NFATC2: variants seen among roughly 807,000 people sequenced by gnomAD.
NFATC2 encodes the protein nuclear factor of activated T cells 2.
A neutral mutation model predicts 87.3 loss-of-function variants in NFATC2; 22 were observed. That is an observed-to-expected ratio of 0.25 (90% CI 0.18 to 0.36). NFATC2 has a LOEUF of 0.36. NFATC2 is among the 10% of genes least tolerant of loss of function. The probability of loss-of-function intolerance (pLI) is 1.00; values close to 1 mark genes in which losing one functional copy is unlikely to be tolerated. For missense variants in NFATC2, 1,149 were observed against 1,259.1 expected (o/e 0.91, Z 1.32); for synonymous variants, 565 against 542.2 (o/e 1.04, Z -0.58).
rs1600673332 is a variant in NFATC2, at chr20:51,407,983, G to A, written c.2723-9253C>T. 3.9e-5 allele frequency among the ~76,000 whole-genome samples: 6 copies of A among 152,358 alleles called. No homozygotes were observed. In the South Asian group the frequency reaches 1.2e-3, roughly 32 times the overall value. ...GGAAACCTGAGCTGTTTAGAGACAG[G>A]AGGGCCAGCCTTCCAACCAAAGTCC... On this transcript the variant is annotated intron_variant, in intron 9 of 10. Coordinates refer to ENST00000371564, the MANE Select transcript of NFATC2 (RefSeq NM_012340.5).
Position 51,479,391 on chromosome 20 carries a change from G to A in NFATC2, c.1333-3731C>T, listed in dbSNP as rs571455547. 7.9e-5 allele frequency among the ~76,000 whole-genome samples: 12 copies of A among 152,238 alleles called. No homozygotes were observed. In the East Asian group the frequency reaches 2.3e-3, roughly 29 times the overall value. On this transcript the variant is annotated intron_variant, in intron 3 of 10. Transcript: ENST00000371564. Reference sequence around the variant, plus strand: ...CCAGCACATTGGGAGGCCAAGGTGGGTAGATCTCTCGAGCCCAGAAGCTCA... The same window carrying A: ...CCAGCACATTGGGAGGCCAAGGTGGATAGATCTCTCGAGCCCAGAAGCTCA...
intron 10 of NFATC2, among the ~76,000 whole-genome samples, chr20:51,395,744 AT>A (rs1042996348): frequency 3.3e-5 from 5 of 150,840 alleles, no homozygotes; most frequent in African/African-American, 1.2e-4. Flanking sequence ...TGACAAAGTC[AT>A]TTATATATAA....
intron 3 of NFATC2, among the ~76,000 whole-genome samples, chr20:51,495,009 A>G (rs2075964570): frequency 6.6e-6 from 1 of 152,230 alleles, no homozygotes; most frequent in Non-Finnish European, 1.5e-5. Context: ...ATTGTGCTAC[A>G]GCAATTGCCT....
Position 51,516,795 on chromosome 20 carries a change from G to C in NFATC2, c.1321C>G (p.Pro441Ala), listed in dbSNP as rs986870618. The C allele has an allele frequency of 6.2e-7, 1 of 1,609,268 alleles. No individual in the cohort carries two copies. Among genetic ancestry groups the C allele is most frequent in the Non-Finnish European group, 8.5e-7 (1 of 1,176,954 alleles). The change falls in exon 3 of 11, where the codon CCT becomes GCT. Residue 441 changes from proline (P) to alanine (A), a missense_variant. This residue lies in a region of NFATC2 where 581 missense variants were observed against 649.7 expected (regional missense o/e 0.89). Transcript: ENST00000371564. ...ATTCAAGTCCATACCTGAACCACAG[G>C]GTGGCCTCCAGTTGGAGCTTTGACA... ...GAVKAPTGGH[P>A]VVQLHGYMEN...
At chr20:51,512,069 C>T (rs967120875) in intron 3 of NFATC2, among the ~76,000 whole-genome samples, 15 of 152,120 alleles carry the variant, frequency 9.9e-5, no homozygotes, top group Non-Finnish European at 1.0e-4. Flanking sequence ...AGAACACTCT[C>T]CCCCGACTAA....
chr20:51,462,890 C>T (rs1987299027), intron 5 of NFATC2, among the ~76,000 whole-genome samples: 1 of 152,222 alleles, frequency 6.6e-6, no homozygotes, highest in Non-Finnish European at 1.5e-5. Flanking sequence ...TTTGGACCTA[C>T]ACTGGGGGAT....
At chr20:51,556,210 A>G (rs2076976776) in intron 1 of NFATC2, among the ~76,000 whole-genome samples, 1 of 152,210 alleles carries the variant, frequency 6.6e-6, no homozygotes, top group African/African-American at 2.4e-5. Context: ...CAGGGAGAGC[A>G]TGGCCCTGTG....
chr20:51,520,112 G>A (rs1225316877), intron 2 of NFATC2, among the ~76,000 whole-genome samples: 4 of 152,170 alleles, frequency 2.6e-5, no homozygotes, highest in Non-Finnish European at 5.9e-5. Flanking sequence ...GTTGGTACTT[G>A]TGAGGAACTA....
At chr20:51,510,282 G>A (rs946929964) in intron 3 of NFATC2, among the ~76,000 whole-genome samples, 2 of 152,244 alleles carry the variant, frequency 1.3e-5, no homozygotes, top group Non-Finnish European at 2.9e-5. Flanking sequence ...GCCAGGAAAG[G>A]ATTAAATGAC....
At chr20:51,425,319 G>A (rs1339637040) in intron 9 of NFATC2, among the ~76,000 whole-genome samples, 2 of 152,254 alleles carry the variant, frequency 1.3e-5, no homozygotes, top group African/African-American at 4.8e-5. Flanking sequence ...TTTTATTGGT[G>A]TCGGCTCCAG....
At chr20:51,428,843 A>G (rs1044860957) in intron 9 of NFATC2, among the ~76,000 whole-genome samples, 7 of 152,250 alleles carry the variant, frequency 4.6e-5, no homozygotes, top group African/African-American at 1.7e-4. Context: ...GCAAAATCCC[A>G]AGGGAAATAA....
At chr20:51,425,288 C>G (rs1981618440) in intron 9 of NFATC2, among the ~76,000 whole-genome samples, 1 of 152,200 alleles carries the variant, frequency 6.6e-6, no homozygotes, top group African/African-American at 2.4e-5. Context: ...TGGCAAAAGC[C>G]CTCCCAACGG....
chr20:51,414,074 C>T (rs952795863), intron 9 of NFATC2, among the ~76,000 whole-genome samples: 2 of 152,136 alleles, frequency 1.3e-5, no homozygotes, highest in Non-Finnish European at 2.9e-5. Context: ...GTTATTCATT[C>T]GATACCACAA....
rs535448691 is a variant in NFATC2, at chr20:51,426,339, G to T, written c.2722+5728C>A. Among the ~76,000 whole-genome samples, 26 of 152,256 alleles carry T rather than the reference G, an allele frequency of 1.7e-4. No individual in the cohort carries two copies. The South Asian group carries it at 5.2e-3, about 30-fold the overall frequency. On this transcript the variant is annotated intron_variant, in intron 9 of 10. Coordinates refer to ENST00000371564, the MANE Select transcript of NFATC2 (RefSeq NM_012340.5). Reference sequence around the variant, plus strand: ...CTGAAAATACAAAAATTAGCCAGGCGTGCTGGCAGGCACCTGTAGTCCCAG... The same window carrying T: ...CTGAAAATACAAAAATTAGCCAGGCTTGCTGGCAGGCACCTGTAGTCCCAG...
At chr20:51,460,939 G>T (rs145169318) in intron 5 of NFATC2, among the ~76,000 whole-genome samples, 2 of 152,254 alleles carry the variant, frequency 1.3e-5, no homozygotes, top group East Asian at 3.9e-4. Context: ...GCAGAGGCCA[G>T]ACATTTGCAT....
At chr20:51,416,278 C>T (rs562111097) in intron 9 of NFATC2, among the ~76,000 whole-genome samples, 1 of 151,982 alleles carries the variant, frequency 6.6e-6, no homozygotes, top group Admixed American at 6.6e-5. Flanking sequence ...TAAAAAAATC[C>T]CAGAGATAGC....
chr20:51,561,484 A>AAGCAAGCAAGCAAGCAAGC (rs2077029826), intron 1 of NFATC2, among the ~76,000 whole-genome samples: 2 of 90,056 alleles, frequency 2.2e-5, no homozygotes, highest in Non-Finnish European at 4.4e-5. Flanking sequence ...AGAAAGAAAG[A>AAGCAAGCAAGCAAGCAAGC]AAGCAAGCAA....
intron 9 of NFATC2, among the ~76,000 whole-genome samples, chr20:51,399,546 G>C (rs1987757313): frequency 6.6e-6 from 1 of 152,170 alleles, no homozygotes; most frequent in South Asian, 2.1e-4. Context: ...ATCTTCAAGG[G>C]AGACAGAATG....
chr20:51,454,559 T>C lies in NFATC2; in HGVS notation c.1838A>G (p.Glu613Gly). 2 of 1,614,072 alleles carry C rather than the reference T, an allele frequency of 1.2e-6. No individual in the cohort carries two copies. Reference sequence around the variant, plus strand: ...AAAAATCCACTGACCTGTGGTCTTCTCAGTAAACACAACTTTGGACTCGGA... The same window carrying C: ...AAAAATCCACTGACCTGTGGTCTTCCCAGTAAACACAACTTTGGACTCGGA... Reference protein sequence around the residue: ...FTSESKVVFTEKTTDGQQIWE... With the variant: ...FTSESKVVFTGKTTDGQQIWE... The change falls in exon 6 of 11, where the codon GAG (glutamate) becomes GGG (glycine). Residue 613 changes from glutamate to glycine, a missense_variant. This residue lies in a region of NFATC2 where 581 missense variants were observed against 649.7 expected (regional missense o/e 0.89). Coordinates refer to ENST00000371564, the MANE Select transcript of NFATC2 (RefSeq NM_012340.5).
Sources: gnomAD v4.1 joint callset for allele counts (sites outside exome capture counted in the v4.1 genomes callset) on GRCh38, gnomAD v4.1.1 for gene constraint, gnomAD v4.1.1 regional missense constraint, MANE v1.5 for transcripts, NCBI Gene and HGNC (gene_info 2026-07-23, HGNC 2026-07-21) for gene names.